TMEM132D: variants seen among roughly 807,000 people sequenced by gnomAD.
The protein encoded by TMEM132D is mature OL transmembrane protein.
Under a neutral mutation model 62.3 loss-of-function variants are expected in TMEM132D, and 21 were observed. The observed-to-expected ratio is 0.34, with a 90% CI of 0.24 to 0.49. The LOEUF is 0.49. Among genes scored for constraint, TMEM132D ranks in the 20% least tolerant of loss-of-function variants. The pLI is 0.99. For synonymous variants in TMEM132D, 621 were observed against 575.6 expected, an observed-to-expected ratio of 1.08 and a Z score of -1.13; for missense variants, 1,346 against 1,402.8, an observed-to-expected ratio of 0.96 and a Z score of 0.65.
intron 1 of TMEM132D, among the ~76,000 whole-genome samples, chr12:129,842,096 A>AC (rs1873213307): frequency 2.4e-5 from 2 of 84,528 alleles, no homozygotes; most frequent in African/African-American, 8.5e-5. Flanking sequence ...ACGCCCGGCT[A>AC]ATTTTTTTTT....
At chr12:129,698,569 A>G (rs1251084223) in intron 2 of TMEM132D, among the ~76,000 whole-genome samples, 1 of 1,438 alleles carries the variant, frequency 7.0e-4, no homozygotes, top group African/African-American at 2.5e-3. Flanking sequence ...AAGGGAGGGG[A>G]GAAGGGAGGG....
At chr12:129,374,736 T>C (rs1253727391) in intron 3 of TMEM132D, among the ~76,000 whole-genome samples, 1 of 152,124 alleles carries the variant, frequency 6.6e-6, no homozygotes, top group Non-Finnish European at 1.5e-5. Context: ...GCTCCGAGAC[T>C]GTTAGACACA....
At chr12:129,410,893 A>G (rs946451747) in intron 3 of TMEM132D, among the ~76,000 whole-genome samples, 2 of 152,224 alleles carry the variant, frequency 1.3e-5, no homozygotes, top group Non-Finnish European at 2.9e-5. Flanking sequence ...CATGAATATC[A>G]TCTCATTTCT....
intron 5 of TMEM132D, among the ~76,000 whole-genome samples, chr12:129,095,428 C>A (rs1196698455): frequency 1.4e-5 from 2 of 142,102 alleles, no homozygotes; most frequent in African/African-American, 2.6e-5. Flanking sequence ...GATCTTGGCT[C>A]ACTGCAACCT....
At chr12:129,767,090 C>T (rs2137279579) in intron 1 of TMEM132D, among the ~76,000 whole-genome samples, 1 of 152,318 alleles carries the variant, frequency 6.6e-6, no homozygotes, top group African/African-American at 2.4e-5. Flanking sequence ...CAGCTGCCGC[C>T]TCAATGAGGC....
chr12:129,699,278 T>C (rs1476559796), intron 2 of TMEM132D, among the ~76,000 whole-genome samples: 1 of 152,192 alleles, frequency 6.6e-6, no homozygotes, highest in Admixed American at 6.5e-5. Context: ...TCACACGTTA[T>C]GCTCATTTAT....
At chr12:129,236,514 CAAA>C (rs60745384) in intron 4 of TMEM132D, among the ~76,000 whole-genome samples, 3 of 67,096 alleles carry the variant, frequency 4.5e-5, no homozygotes, top group Admixed American at 1.8e-4. Context: ...GACTCCATCT[CAAA>C]AAAAAAAAAA....
At chr12:129,088,947 A>C (rs1335394248) in intron 5 of TMEM132D, among the ~76,000 whole-genome samples, 1 of 31,000 alleles carries the variant, frequency 3.2e-5, no homozygotes, top group Admixed American at 4.1e-4. Context: ...GGTGTCCTCC[A>C]TGACCGGGTG....
At chr12:129,278,629 GAGGTCCCTCCAGCATTA>G (rs887159851) in intron 4 of TMEM132D, among the ~76,000 whole-genome samples, 1 of 152,156 alleles carries the variant, frequency 6.6e-6, no homozygotes, top group Admixed American at 6.5e-5. Flanking sequence ...CCGTTCAAAT[GAGGTCCCTCCAGCATTA>G]AGAACTTCTG....
chr12:129,623,649 G>C (rs527402545), intron 2 of TMEM132D, among the ~76,000 whole-genome samples: 9 of 145,998 alleles, frequency 6.2e-5, no homozygotes, highest in African/African-American at 1.8e-4. Context: ...GTGTGTATGT[G>C]TGTATATATA....
chr12:129,238,340 CATAAT>C (rs1053778654), intron 4 of TMEM132D, among the ~76,000 whole-genome samples: 2 of 152,202 alleles, frequency 1.3e-5, no homozygotes, highest in African/African-American at 2.4e-5. Flanking sequence ...ATAAAATACA[CATAAT>C]ATAAAAGTTT....
At chr12:129,888,951 G>C (rs1367157509) in intron 1 of TMEM132D, among the ~76,000 whole-genome samples, 3 of 152,228 alleles carry the variant, frequency 2.0e-5, no homozygotes, top group Admixed American at 6.5e-5. Context: ...ACAGTGACTT[G>C]AGTCGGGGAA....
intron 2 of TMEM132D, among the ~76,000 whole-genome samples, chr12:129,600,489 T>C (rs1363570740): frequency 1.3e-5 from 2 of 152,206 alleles, no homozygotes; most frequent in Non-Finnish European, 2.9e-5. Flanking sequence ...GCATCAAGAA[T>C]GGTAAATCCT....
chr12:129,444,837 C>T (rs1221224914), intron 3 of TMEM132D, among the ~76,000 whole-genome samples: 1 of 152,134 alleles, frequency 6.6e-6, no homozygotes, highest in Non-Finnish European at 1.5e-5. Flanking sequence ...TTAACAGATG[C>T]TGGAGAGGTT....
chr12:129,790,786 C>T (rs1871382338), intron 1 of TMEM132D, among the ~76,000 whole-genome samples: 1 of 152,218 alleles, frequency 6.6e-6, no homozygotes, highest in Admixed American at 6.5e-5. Flanking sequence ...TCCCTGCCTC[C>T]TGTCCTTATC....
intron 4 of TMEM132D, among the ~76,000 whole-genome samples, chr12:129,250,192 C>T (rs1880228101): frequency 6.6e-6 from 1 of 152,138 alleles, no homozygotes. Flanking sequence ...CCTGCCCTCA[C>T]ACCTCCTCTG....
At chr12:129,251,026 C>T (rs187411230) in intron 4 of TMEM132D, among the ~76,000 whole-genome samples, 18 of 152,246 alleles carry the variant, frequency 1.2e-4, no homozygotes, top group Middle Eastern at 3.4e-3. Flanking sequence ...GTGCAGCAAT[C>T]ACCATGCATG....
intron 2 of TMEM132D, among the ~76,000 whole-genome samples, chr12:129,582,216 A>G (rs766006553): frequency 3.9e-5 from 6 of 152,286 alleles, no homozygotes; most frequent in Non-Finnish European, 7.4e-5. Context: ...ACAGCATCCC[A>G]AGTCCCTTTT....
chr12:129,140,024 G>A (rs376852139), intron 5 of TMEM132D, among the ~76,000 whole-genome samples: 8 of 151,798 alleles, frequency 5.3e-5, no homozygotes, highest in South Asian at 2.1e-4. Context: ...TCAGAAACAC[G>A]CATTTTTAAA....
Sources: gnomAD v4.1 joint callset for allele counts (sites outside exome capture counted in the v4.1 genomes callset) on GRCh38, gnomAD v4.1.1 for gene constraint, MANE v1.5 for transcripts, NCBI Gene and HGNC (gene_info 2026-07-23, HGNC 2026-07-21) for gene names.